Variants in FBXO4 observed in about 807,000 individuals in gnomAD.
FBXO4 encodes the protein F-box protein 4.
In FBXO4, 36 loss-of-function variants were observed where a neutral mutation model predicts 43.7. That is an observed-to-expected ratio of 0.82 (90% CI 0.63 to 1.09). The LOEUF (loss-of-function observed/expected upper bound fraction) is 1.09, where lower values mean the gene tolerates loss of function less well. Ranked by LOEUF, FBXO4 falls within the 50% of genes least tolerant of loss-of-function variation. The pLI is 0.00. For synonymous variants in FBXO4, 180 were observed against 165.6 expected (o/e 1.09, Z -0.67); for missense variants, 435 against 474.1 (o/e 0.92, Z 0.77).
chr5:41,988,697 T>G, the FBXO4 span, among the ~76,000 whole-genome samples: 1 of 152,178 alleles, frequency 6.6e-6, no homozygotes, highest in Non-Finnish European at 1.5e-5. Flanking sequence ...GTCTTTCCAG[T>G]TGGGGTGTAG....
At chr5:41,927,878 G>T (rs867491641) in intron 2 of FBXO4, among the ~76,000 whole-genome samples, 1 of 152,102 alleles carries the variant, frequency 6.6e-6, no homozygotes, top group African/African-American at 2.4e-5. Context: ...GGACTATTCA[G>T]ACTGGAACCC....
chr5:41,986,491 A>G, the FBXO4 span, among the ~76,000 whole-genome samples: 26 of 152,276 alleles, frequency 1.7e-4, no homozygotes, highest in East Asian at 4.8e-3. Flanking sequence ...CTAGCCTACT[A>G]TTCACTTTCT....
downstream of FBXO4, among the ~76,000 whole-genome samples, chr5:41,945,034 T>A (rs1752057021): frequency 6.6e-6 from 1 of 152,232 alleles, no homozygotes; most frequent in South Asian, 2.1e-4. Context: ...CTATTAAATG[T>A]TCTAGCCTAA....
downstream of FBXO4, among the ~76,000 whole-genome samples, chr5:41,942,896 T>A (rs10037152): frequency 0.012 from 1,840 of 152,248 alleles, 41 homozygotes; most frequent in African/African-American, 0.042. Context: ...CAAAAGAGAT[T>A]TTTAAAATTA....
the FBXO4 span, among the ~76,000 whole-genome samples, chr5:42,004,414 A>G: frequency 6.6e-6 from 1 of 152,216 alleles, no homozygotes; most frequent in African/African-American, 2.4e-5. Context: ...AAAGGTGGGT[A>G]TATTCGAGAG....
the FBXO4 span, among the ~76,000 whole-genome samples, chr5:41,991,753 G>A: frequency 1.3e-5 from 2 of 152,162 alleles, no homozygotes; most frequent in Non-Finnish European, 1.5e-5. Flanking sequence ...TTACATGCTT[G>A]ATCTTCCTCA....
At chr5:41,999,519 A>ACATATATATG in the FBXO4 span, among the ~76,000 whole-genome samples, 86 of 115,458 alleles carry the variant, frequency 7.4e-4, no homozygotes, top group African/African-American at 3.7e-3. Flanking sequence ...ATATATATAT[A>ACATATATATG]TATACATATA....
At chr5:41,981,168 A>G in the FBXO4 span, among the ~76,000 whole-genome samples, 179 of 152,252 alleles carry the variant, frequency 1.2e-3, no homozygotes, top group African/African-American at 4.2e-3. Context: ...TATAATTTAA[A>G]ATCCAAATAG....
At chr5:42,007,917 A>G in the FBXO4 span, among the ~76,000 whole-genome samples, 2 of 152,106 alleles carry the variant, frequency 1.3e-5, no homozygotes, top group Non-Finnish European at 2.9e-5. Context: ...CTTTTTTTCT[A>G]GTCATTTGTT....
At chr5:42,037,054 T>G in the FBXO4 span, among the ~76,000 whole-genome samples, 1 of 152,042 alleles carries the variant, frequency 6.6e-6, no homozygotes, top group Non-Finnish European at 1.5e-5. Context: ...GTTCAGAGAT[T>G]TGTTCTTTTA....
the FBXO4 span, among the ~76,000 whole-genome samples, chr5:41,999,444 TGA>T: frequency 3.5e-5 from 4 of 115,592 alleles, no homozygotes; most frequent in East Asian, 8.7e-4. Context: ...AATATATATG[TGA>T]GTGTGTGTGT....
At chr5:41,943,700 T>C (rs1219210059), downstream of FBXO4, among the ~76,000 whole-genome samples, 1 of 152,196 alleles carries the variant, frequency 6.6e-6, no homozygotes, top group African/African-American at 2.4e-5. Context: ...ACTTGAAAAT[T>C]GTGCCTCTAT....
At chr5:41,955,502 G>A in the FBXO4 span, among the ~76,000 whole-genome samples, 3 of 152,302 alleles carry the variant, frequency 2.0e-5, no homozygotes, top group Middle Eastern at 3.4e-3. Flanking sequence ...TGTGAAACAT[G>A]TGATGAGACC....
chr5:41,934,032 A>G lies in FBXO4; in HGVS notation c.722+11A>G. 1.2e-6 allele frequency: 2 copies of G among 1,612,446 alleles called. No individual in the cohort carries two copies. Among genetic ancestry groups the G allele is most frequent in the Non-Finnish European group, 1.7e-6 (2 of 1,178,604 alleles). On this transcript the variant is annotated intron_variant, in intron 4 of 6. Coordinates refer to ENST00000281623, the MANE Select transcript of FBXO4 (RefSeq NM_012176.3). ...ATATTCAACTACCAGGTAAGGCTAC[A>G]TACTTGGTGGCTTAACTGAAACATC... is the stretch of plus-strand genomic sequence containing the variant.
the FBXO4 span, among the ~76,000 whole-genome samples, chr5:41,982,482 T>G: frequency 4.3e-4 from 65 of 152,330 alleles, no homozygotes; most frequent in African/African-American, 1.5e-3. Context: ...ATTTGATGAA[T>G]AATGAGCTTA....
chr5:42,029,125 G>A, the FBXO4 span, among the ~76,000 whole-genome samples: 2 of 151,890 alleles, frequency 1.3e-5, no homozygotes, highest in African/African-American at 4.8e-5. Context: ...TGTAGGACAG[G>A]TCTGGTATTG....
chr5:42,033,100 A>G, the FBXO4 span, among the ~76,000 whole-genome samples: 1 of 152,088 alleles, frequency 6.6e-6, no homozygotes, highest in Non-Finnish European at 1.5e-5. Flanking sequence ...TTCAAAACAA[A>G]TTCCTCCCCA....
intron 6 of FBXO4, 73 bp downstream of exon 6, chr5:41,939,689 AT>A: frequency 7.9e-7 from 1 of 1,264,972 alleles, no homozygotes; most frequent in Non-Finnish European, 1.1e-6. Flanking sequence ...TATTTTTTAA[AT>A]TCATCTTCTT....
At position 41,927,880 on chromosome 5, in the gene FBXO4, C is replaced by T. The variant is rs139219813; in HGVS notation, c.425+632C>T. On this transcript the variant is annotated intron_variant, in intron 2 of 6. Transcript: ENST00000281623. ...TATAGCTTGTAAGGGACTATTCAGACTGGAACCCCATTATGCTACCTCAAA... is the reference window on the plus strand; with the variant it reads ...TATAGCTTGTAAGGGACTATTCAGATTGGAACCCCATTATGCTACCTCAAA... 7.3e-3 allele frequency among the ~76,000 whole-genome samples: 1,115 copies of T among 152,284 alleles called. 7 individuals carry two copies. Among genetic ancestry groups the T allele is most frequent in the Middle Eastern group, 0.024 (7 of 294 alleles).
Sources: allele counts gnomAD v4.1 joint callset (sites outside exome capture counted in the v4.1 genomes callset), GRCh38; gene constraint gnomAD v4.1.1; transcripts MANE v1.5; gene names NCBI Gene and HGNC (gene_info 2026-07-23, HGNC 2026-07-21).